ARHGAP8: variants seen among roughly 807,000 people sequenced by gnomAD.
ARHGAP8 encodes rho GTPase-activating protein 8.
In ARHGAP8, 62 loss-of-function variants were observed where a neutral mutation model predicts 46.1. The ratio of observed to expected loss-of-function variants is 1.34; its 90% CI spans 1.10 to 1.66. ARHGAP8 has a LOEUF of 1.66. Among genes scored for constraint, ARHGAP8 ranks in the 40% most tolerant of loss-of-function variants. The pLI is 0.00. For synonymous variants in ARHGAP8, 375 were observed against 243.1 expected, an observed-to-expected ratio of 1.54 and a Z score of -5.05; for missense variants, 923 against 568.4, an observed-to-expected ratio of 1.62 and a Z score of -6.34.
rs541676137 is a variant in ARHGAP8, at chr22:44,856,944, C to CTT, written c.878-2775_878-2774dup. On this transcript the variant is annotated intron_variant, in intron 10 of 11. Coordinates refer to ENST00000356099, the MANE Select transcript of ARHGAP8 (RefSeq NM_181335.3). ...TGGGAGGCTGACTTGAGTAAGAATT[C>CTT]TTTTTTTTTTTTTGAGACGGAGTTT... Among the ~76,000 whole-genome samples the CTT allele has an allele frequency of 5.2e-5, 7 of 133,520 alleles. 1 individual carries two copies. The highest frequency in any genetic ancestry group is 1.8e-4 in the African/African-American group (6 of 32,564). The allele number at this position is 133,520 out of a possible 152,430, so 87.6% of individuals were successfully genotyped here.
intron 2 of ARHGAP8, 103 bp from the exon 3 acceptor site, chr22:44,801,974 C>G: frequency 7.1e-7 from 1 of 1,406,608 alleles, no homozygotes. Context: ...GCCTGTGCCT[C>G]CCAGCTCGGG....
At chr22:44,813,197 G>A (rs777169619) in intron 4 of ARHGAP8, among the ~76,000 whole-genome samples, 8 of 151,928 alleles carry the variant, frequency 5.3e-5, no homozygotes, top group Non-Finnish European at 1.2e-4. Flanking sequence ...ATGGCTCCCA[G>A]GCCCTTTCAG....
intron 10 of ARHGAP8, 59 bp downstream of exon 10, chr22:44,849,119 C>T (rs1200813105): frequency 2.5e-6 from 4 of 1,606,250 alleles, no homozygotes; most frequent in Non-Finnish European, 3.4e-6. Flanking sequence ...TGTCCCCCAG[C>T]TACTGGCCCA....
intron 8 of ARHGAP8, among the ~76,000 whole-genome samples, chr22:44,846,972 G>A (rs905444779): frequency 6.6e-6 from 1 of 152,212 alleles, no homozygotes; most frequent in African/African-American, 2.4e-5. Context: ...TGACAGAAAG[G>A]CCCCAGAGAG....
At chr22:44,770,581 T>G (rs1241564193) in intron 1 of ARHGAP8, among the ~76,000 whole-genome samples, 1 of 152,080 alleles carries the variant, frequency 6.6e-6, no homozygotes, top group Non-Finnish European at 1.5e-5. Flanking sequence ...AATTTTTGTA[T>G]TTTTAGTAGA....
chr22:44,859,131 G>A (rs1448260804), intron 10 of ARHGAP8, among the ~76,000 whole-genome samples: 1 of 152,202 alleles, frequency 6.6e-6, no homozygotes, highest in Non-Finnish European at 1.5e-5. Flanking sequence ...CTTCCTGGAA[G>A]GTGGTGCTGC....
At chr22:44,785,683 C>T (rs1213617537) in intron 1 of ARHGAP8, among the ~76,000 whole-genome samples, 1 of 152,204 alleles carries the variant, frequency 6.6e-6, no homozygotes, top group Admixed American at 6.5e-5. Flanking sequence ...TCTGCTCTAA[C>T]CTTGAAATTC....
At chr22:44,789,607 T>C (rs1033150555) in intron 2 of ARHGAP8, among the ~76,000 whole-genome samples, 1 of 152,110 alleles carries the variant, frequency 6.6e-6, no homozygotes, top group Non-Finnish European at 1.5e-5. Flanking sequence ...CAGGCAGTCC[T>C]CCCACCTCAG....
chr22:44,823,164 A>G (rs974983275), intron 6 of ARHGAP8, among the ~76,000 whole-genome samples: 1 of 152,184 alleles, frequency 6.6e-6, no homozygotes, highest in Non-Finnish European at 1.5e-5. Context: ...GCCAAGTCAC[A>G]TGGCAGGTGC....
chr22:44,845,852 G>A (rs2069942171), intron 8 of ARHGAP8, among the ~76,000 whole-genome samples: 1 of 152,170 alleles, frequency 6.6e-6, no homozygotes, highest in Non-Finnish European at 1.5e-5. Context: ...GGTGCGTGGA[G>A]GCTGCTTTTA....
chr22:44,769,127 G>T (rs1340563423), intron 1 of ARHGAP8, among the ~76,000 whole-genome samples: 1 of 152,204 alleles, frequency 6.6e-6, no homozygotes, highest in Admixed American at 6.5e-5. Context: ...GAGGCACCGT[G>T]CCCGGCCTAA....
At chr22:44,858,035 C>T (rs1418023317) in intron 10 of ARHGAP8, among the ~76,000 whole-genome samples, 1 of 152,218 alleles carries the variant, frequency 6.6e-6, no homozygotes, top group East Asian at 1.9e-4. Flanking sequence ...GAAATGGCAG[C>T]CACCTGGCTC....
chr22:44,808,529 T>TG (rs1929096733), intron 4 of ARHGAP8, 91 bp downstream of exon 4: 2 of 1,542,704 alleles, frequency 1.3e-6, no homozygotes, highest in Non-Finnish European at 1.7e-6. Flanking sequence ...GAGTGTGCAG[T>TG]GGGGGAGGGG....
At position 44,786,481 on chromosome 22, in the gene ARHGAP8, C is replaced by T. The variant is rs192851961; in HGVS notation, c.-47C>T. 4,639 of 1,608,586 alleles carry T rather than the reference C, an allele frequency of 2.9e-3. 8 individuals are homozygous for T. The highest frequency in any genetic ancestry group is 3.6e-3 in the Non-Finnish European group (4,187 of 1,177,854). On this transcript the variant is annotated 5_prime_UTR_variant, in exon 2 of 12. Coordinates refer to ENST00000356099, the MANE Select transcript of ARHGAP8 (RefSeq NM_181335.3). ...GAGCTGCAGAGAGACAAGGCGGCGG[C>T]GGCTGCTGTGCTGGGTGCAGTGAGG...
In ARHGAP8 at chr22:44,845,272, C is replaced by G. The variant is rs2069925335; in HGVS notation, c.600C>G (p.Leu200=). ...ACTTTCTTTTCTGTTTTCTCAGCCT[C>G]AAAGACAAAAATCAAGGCGAACTCA... is the stretch of plus-strand genomic sequence containing the variant. ...TQQFGVSLQY[L]KDKNQGELIP... Residue 200 remains leucine (L), a synonymous_variant, in exon 8 of 12, where the codon CTC becomes CTG. Coordinates refer to ENST00000356099, the MANE Select transcript of ARHGAP8 (RefSeq NM_181335.3). 13 of 1,614,136 alleles carry G rather than the reference C, an allele frequency of 8.1e-6. No individual in the cohort carries two copies. The highest frequency in any genetic ancestry group is 1.3e-5 in the African/African-American group (1 of 75,028).
intron 2 of ARHGAP8, among the ~76,000 whole-genome samples, chr22:44,798,135 C>A (rs1928230462): frequency 6.6e-6 from 1 of 151,986 alleles, no homozygotes; most frequent in African/African-American, 2.4e-5. Context: ...CACCACCACA[C>A]CCAGCTAATT....
chr22:44,854,469 A>G (rs1569182147), intron 10 of ARHGAP8, among the ~76,000 whole-genome samples: 1 of 151,574 alleles, frequency 6.6e-6, no homozygotes, highest in African/African-American at 2.4e-5. Flanking sequence ...CTGACCTCAA[A>G]TGATCCACCC....
At chr22:44,808,583 G>A in intron 4 of ARHGAP8, 145 bp downstream of exon 4, 6 of 1,453,212 alleles carry the variant, frequency 4.1e-6, no homozygotes, top group South Asian at 2.5e-5. Context: ...GTGGGGCAGT[G>A]GAGGTTCACC....
chr22:44,810,222 C>CTGCATATG (rs1171899436), intron 4 of ARHGAP8, among the ~76,000 whole-genome samples: 1 of 148,300 alleles, frequency 6.7e-6, no homozygotes, highest in Non-Finnish European at 1.5e-5. Context: ...GGGAAAGGAT[C>CTGCATATG]TGCATATGGC....
Sources: gnomAD v4.1 joint callset for allele counts (sites outside exome capture counted in the v4.1 genomes callset) on GRCh38, gnomAD v4.1.1 for gene constraint, MANE v1.5 for transcripts, NCBI Gene and HGNC (gene_info 2026-07-23, HGNC 2026-07-21) for gene names.